DMD: variants seen among roughly 807,000 people sequenced by gnomAD.
DMD encodes the protein dystrophin.
A neutral mutation model predicts 330.1 loss-of-function variants in DMD; 63 were observed. The ratio of observed to expected loss-of-function variants is 0.19; its 90% confidence interval spans 0.16 to 0.24. The LOEUF is 0.24. DMD is among the 10% of genes least tolerant of loss of function. The pLI, the probability that DMD is intolerant of heterozygous loss-of-function variation, is 1.00. For synonymous variants in DMD, 1,223 were observed against 959.8 expected, an observed-to-expected ratio of 1.27 and a Z score of -5.07; for missense variants, 3,344 against 2,684.1, an observed-to-expected ratio of 1.25 and a Z score of -5.43.
chrX:31,171,275 G>A (rs1051822808), intron 73 of DMD, among the ~76,000 whole-genome samples: 3 of 111,664 alleles, frequency 2.7e-5, no homozygotes, highest in Admixed American at 9.5e-5. Context: ...TAGCTTGATC[G>A]TTTATGTACC....
chrX:31,875,136 T>G, intron 48 of DMD, 52 bp downstream of exon 48: 1 of 1,014,915 alleles, frequency 9.9e-7, no homozygotes, highest in Non-Finnish European at 1.4e-6. Flanking sequence ...TTCAGTGATA[T>G]TGCCATTTTT....
At chrX:32,843,657 C>G (rs1239892022) in intron 4 of DMD, among the ~76,000 whole-genome samples, 1 of 112,079 alleles carries the variant, frequency 8.9e-6, no homozygotes, top group Non-Finnish European at 1.9e-5. Flanking sequence ...GATCAACGTA[C>G]TCAATGTACT....
At chrX:31,893,973 C>T (rs5927051) in intron 47 of DMD, among the ~76,000 whole-genome samples, 1 of 111,335 alleles carries the variant, frequency 9.0e-6, no homozygotes, top group Non-Finnish European at 1.9e-5. Context: ...CAGCCCTGAA[C>T]GTGTCACTGA....
At chrX:32,417,566 G>C (rs1603633022) in intron 29 of DMD, among the ~76,000 whole-genome samples, 1 of 111,128 alleles carries the variant, frequency 9.0e-6, no homozygotes, top group Non-Finnish European at 1.9e-5. Flanking sequence ...AAGGGGGGCA[G>C]CCTGTACTCC....
chrX:32,639,625 AG>A (rs899179858), intron 11 of DMD, among the ~76,000 whole-genome samples: 6 of 112,407 alleles, frequency 5.3e-5, no homozygotes, highest in Non-Finnish European at 1.1e-4. Flanking sequence ...TGTCCATAAA[AG>A]CAACAGAATT....
chrX:32,651,963 C>A (rs920100692), intron 9 of DMD, among the ~76,000 whole-genome samples: 3 of 111,372 alleles, frequency 2.7e-5, no homozygotes, highest in African/African-American at 9.8e-5. Flanking sequence ...TAAATGTCAG[C>A]AAATTTAACA....
In DMD at chrX:32,686,559, CAA is replaced by C. The variant is rs750534167; in HGVS notation, c.960+11309_960+11310del. ...GGGCAACAGAGCAAAAACTCCATCT[CAA>C]AAAAAAAAAAAAAAAAAAAAAGAAA... On this transcript the variant is annotated intron_variant, in intron 9 of 78. Coordinates refer to ENST00000357033, the MANE Select transcript of DMD (RefSeq NM_004006.3). 5.0e-3 allele frequency among the ~76,000 whole-genome samples: 144 copies of C among 28,580 alleles called. 1 individual carries two copies. Among genetic ancestry groups the C allele is most frequent in the African/African-American group, 0.018 (138 of 7,472 alleles). The allele number at this position is 28,580 out of a possible 115,157, so 24.8% of individuals were successfully genotyped here. A position where few individuals can be genotyped will look rare whatever the true frequency, so the allele number is the denominator to read the frequency against.
intron 44 of DMD, among the ~76,000 whole-genome samples, chrX:32,066,224 A>T (rs1475537549): frequency 9.0e-6 from 1 of 111,626 alleles, no homozygotes; most frequent in Admixed American, 9.5e-5. Flanking sequence ...CCAACTCAGC[A>T]TTTCAACAGA....
intron 60 of DMD, among the ~76,000 whole-genome samples, chrX:31,402,073 C>G (rs1448053106): frequency 8.9e-6 from 1 of 111,850 alleles, no homozygotes; most frequent in Non-Finnish European, 1.9e-5. Flanking sequence ...AAATACAAGG[C>G]TAGAAAGTGG....
chrX:33,193,621 T>C (rs1173332407), intron 1 of DMD, among the ~76,000 whole-genome samples: 1 of 112,491 alleles, frequency 8.9e-6, no homozygotes, highest in African/African-American at 3.2e-5. Flanking sequence ...TTTGTATCTA[T>C]GAATACAGTT....
At chrX:32,007,364 G>A (rs1395376712) in intron 44 of DMD, among the ~76,000 whole-genome samples, 1 of 109,557 alleles carries the variant, frequency 9.1e-6, no homozygotes, top group Non-Finnish European at 1.9e-5. Flanking sequence ...ACCAGAAGCT[G>A]GAAGAGGCAA....
intron 44 of DMD, among the ~76,000 whole-genome samples, chrX:32,165,025 T>C (rs1177188992): frequency 1.8e-5 from 2 of 112,409 alleles, no homozygotes; most frequent in Non-Finnish European, 3.8e-5. Flanking sequence ...TGGAAACTCC[T>C]GGATGTCCAG....
chrX:31,485,487 C>T (rs911673210), intron 57 of DMD, among the ~76,000 whole-genome samples: 7 of 112,026 alleles, frequency 6.2e-5, no homozygotes, highest in Non-Finnish European at 9.4e-5. Flanking sequence ...TGAGCCACCA[C>T]ACCTGGCCAC....
intron 11 of DMD, among the ~76,000 whole-genome samples, chrX:32,643,829 T>C (rs2059622618): frequency 8.9e-6 from 1 of 111,796 alleles, no homozygotes; most frequent in East Asian, 2.8e-4. Flanking sequence ...TTCTGTGCCT[T>C]TTATAGTGAC....
intron 62 of DMD, among the ~76,000 whole-genome samples, chrX:31,263,751 G>T (rs1296890364): frequency 1.8e-5 from 2 of 112,586 alleles, no homozygotes; most frequent in African/African-American, 6.5e-5. Flanking sequence ...TTTCACCTTT[G>T]CAGTCTTAGT....
At chrX:31,742,190 C>T (rs746648694) in intron 51 of DMD, among the ~76,000 whole-genome samples, 1 of 112,209 alleles carries the variant, frequency 8.9e-6, no homozygotes. Context: ...AAGACATTCT[C>T]CATATTAAAA....
At chrX:32,336,220 G>A (rs2148775072) in intron 41 of DMD, among the ~76,000 whole-genome samples, 1 of 110,333 alleles carries the variant, frequency 9.1e-6, no homozygotes, top group South Asian at 3.8e-4. Flanking sequence ...TGTTATATAT[G>A]TTAGCCAGGC....
chrX:31,491,038 C>A (rs910831255), intron 57 of DMD, among the ~76,000 whole-genome samples: 1 of 112,468 alleles, frequency 8.9e-6, no homozygotes, highest in Admixed American at 9.4e-5. Context: ...GTATTGATTA[C>A]TTCCATCTAA....
At chrX:32,365,431 T>C (rs1353273993) in intron 34 of DMD, among the ~76,000 whole-genome samples, 1 of 111,325 alleles carries the variant, frequency 9.0e-6, no homozygotes, top group African/African-American at 3.3e-5. Context: ...ATTATAAATA[T>C]TTAATAAACA....
Sources: gnomAD v4.1 joint callset for allele counts (sites outside exome capture counted in the v4.1 genomes callset) on GRCh38, gnomAD v4.1.1 for gene constraint, MANE v1.5 for transcripts, NCBI Gene and HGNC (gene_info 2026-07-23, HGNC 2026-07-21) for gene names.